Variants in DOCK3 observed in about 807,000 individuals in gnomAD.
DOCK3 encodes dedicator of cytokinesis protein 3.
DOCK3 carries 60 observed loss-of-function variants against 265.6 expected under a neutral mutation model. The observed-to-expected ratio is 0.23, with a 90% CI of 0.18 to 0.28. The LOEUF (loss-of-function observed/expected upper bound fraction) is 0.28, where lower values mean the gene tolerates loss of function less well. DOCK3 is among the 10% of genes least tolerant of loss of function. The pLI is 1.00. For synonymous variants in DOCK3, 881 were observed against 938.0 expected, an observed-to-expected ratio of 0.94 and a Z score of 1.11; for missense variants, 1,981 against 2,594.3, an observed-to-expected ratio of 0.76 and a Z score of 5.14.
At chr3:51,278,324 CAG>C (rs1339182081) in intron 26 of DOCK3, 2 of 985,216 alleles carry the variant, frequency 2.0e-6, no homozygotes, top group Non-Finnish European at 2.4e-6. Flanking sequence ...TCAGGAGGGG[CAG>C]AGAGACAATA....
At chr3:51,162,770 G>T (rs575685572) in intron 12 of DOCK3, among the ~76,000 whole-genome samples, 1 of 152,200 alleles carries the variant, frequency 6.6e-6, no homozygotes, top group South Asian at 2.1e-4. Context: ...ACAGCTTTCT[G>T]CAAGAAACAG....
chr3:50,698,129 C>A (rs1411337092), intron 1 of DOCK3, among the ~76,000 whole-genome samples: 2 of 152,064 alleles, frequency 1.3e-5, no homozygotes, highest in African/African-American at 4.8e-5. Context: ...AATTCCAGAA[C>A]AGTTTCATTA....
intron 12 of DOCK3, among the ~76,000 whole-genome samples, chr3:51,192,159 A>G (rs1033483989): frequency 1.3e-5 from 2 of 151,330 alleles, no homozygotes; most frequent in South Asian, 2.1e-4. Context: ...GCCTAGACCA[A>G]TTTCCAGCAG....
chr3:50,750,289 C>A (rs1269564019), intron 1 of DOCK3, among the ~76,000 whole-genome samples: 3 of 151,168 alleles, frequency 2.0e-5, no homozygotes, highest in African/African-American at 4.9e-5. Context: ...AGGTTGGGGA[C>A]CTCTGCCTTA....
At chr3:50,747,728 G>T (rs1262509796) in intron 1 of DOCK3, among the ~76,000 whole-genome samples, 2 of 152,130 alleles carry the variant, frequency 1.3e-5, no homozygotes, top group Admixed American at 6.5e-5. Context: ...GCTGGGCATG[G>T]TGGCGCATGC....
chr3:51,287,240 T>C (rs966272997), intron 27 of DOCK3, among the ~76,000 whole-genome samples: 1 of 152,056 alleles, frequency 6.6e-6, no homozygotes, highest in South Asian at 2.1e-4. Flanking sequence ...GAAATACAAA[T>C]GAAAACCACA....
At chr3:51,055,970 T>G (rs1037761943) in intron 5 of DOCK3, among the ~76,000 whole-genome samples, 1 of 152,176 alleles carries the variant, frequency 6.6e-6, no homozygotes, top group Non-Finnish European at 1.5e-5. Context: ...TCATGGCCCT[T>G]GAGATGTGGA....
chr3:51,095,877 G>A (rs374279246), intron 9 of DOCK3, among the ~76,000 whole-genome samples: 3,415 of 32,670 alleles, frequency 0.1, 3 homozygotes, highest in Non-Finnish European at 0.12. Flanking sequence ...AAAAAAAAAA[G>A]AATGTTGACT....
At chr3:50,741,992 T>C (rs1312114216) in intron 1 of DOCK3, among the ~76,000 whole-genome samples, 2 of 152,168 alleles carry the variant, frequency 1.3e-5, no homozygotes, top group Non-Finnish European at 2.9e-5. Flanking sequence ...TGGTATCTCA[T>C]TGTGGTTTTG....
rs377711614 is a variant in DOCK3, at chr3:50,682,974, C to T, written c.37+7674C>T. ...TGTTGGGATTACAGGCGTGAGCCAC[C>T]GCGCCTGGTCTATCTTTGCATTCTT... is the stretch of plus-strand genomic sequence containing the variant. On this transcript the variant is annotated intron_variant, in intron 1 of 52. Transcript: ENST00000266037. 9.8e-5 allele frequency among the ~76,000 whole-genome samples: 15 copies of T among 152,308 alleles called. No individual in the cohort carries two copies. The South Asian group carries it at 1.4e-3, about 15-fold the overall frequency.
intron 5 of DOCK3, among the ~76,000 whole-genome samples, chr3:51,002,609 GT>G (rs2078528356): frequency 6.6e-6 from 1 of 152,174 alleles, no homozygotes; most frequent in African/African-American, 2.4e-5. Context: ...AAGGTTCAAG[GT>G]TTATTTGGGG....
At chr3:50,882,487 A>G (rs191801326) in intron 3 of DOCK3, among the ~76,000 whole-genome samples, 32 of 152,364 alleles carry the variant, frequency 2.1e-4, no homozygotes, top group Admixed American at 3.9e-4. Flanking sequence ...AAAAGAAGAC[A>G]TTTATGCAGC....
chr3:51,010,945 G>T (rs910285972), intron 5 of DOCK3, among the ~76,000 whole-genome samples: 2 of 152,112 alleles, frequency 1.3e-5, no homozygotes, highest in Non-Finnish European at 2.9e-5. Flanking sequence ...TTGAATGTTG[G>T]CCCCCTCTCT....
At chr3:50,968,994 C>T (rs1246247813) in intron 5 of DOCK3, among the ~76,000 whole-genome samples, 1 of 152,120 alleles carries the variant, frequency 6.6e-6, no homozygotes. Context: ...CTGTTAGGTC[C>T]ATTTTGGCCT....
At chr3:51,307,327 A>G (rs557032182) in intron 27 of DOCK3, among the ~76,000 whole-genome samples, 8 of 152,146 alleles carry the variant, frequency 5.3e-5, no homozygotes, top group African/African-American at 1.9e-4. Context: ...ATGTTTCCCA[A>G]GCTGGTTCCA....
intron 31 of DOCK3, among the ~76,000 whole-genome samples, chr3:51,314,734 A>T (rs143640410): frequency 6.6e-6 from 1 of 152,196 alleles, no homozygotes; most frequent in Non-Finnish European, 1.5e-5. Flanking sequence ...AGTTTGTGGG[A>T]CTGTCAGGAA....
At chr3:51,123,561 G>A (rs2084130157) in intron 9 of DOCK3, among the ~76,000 whole-genome samples, 1 of 152,102 alleles carries the variant, frequency 6.6e-6, no homozygotes, top group Non-Finnish European at 1.5e-5. Flanking sequence ...AGACTTTGGA[G>A]GAATCTACAC....
intron 2 of DOCK3, among the ~76,000 whole-genome samples, chr3:50,796,540 G>T (rs1022893312): frequency 6.6e-6 from 1 of 151,584 alleles, no homozygotes; most frequent in African/African-American, 2.4e-5. Context: ...GTTTCTCCAT[G>T]TTGGTCAGGC....
chr3:51,180,053 C>T (rs1354781077), intron 12 of DOCK3, among the ~76,000 whole-genome samples: 1 of 151,950 alleles, frequency 6.6e-6, no homozygotes, highest in South Asian at 2.1e-4. Flanking sequence ...ACCAAAAATA[C>T]AAACATTAGC....
Sources: allele counts gnomAD v4.1 joint callset (sites outside exome capture counted in the v4.1 genomes callset), GRCh38; gene constraint gnomAD v4.1.1; transcripts MANE v1.5; gene names NCBI Gene and HGNC (gene_info 2026-07-23, HGNC 2026-07-21).